RPL31: variants seen among roughly 807,000 people sequenced by gnomAD.
RPL31 encodes the protein ribosomal protein L31, also known as large ribosomal subunit protein eL31.
For synonymous variants in RPL31, 51 were observed against 55.0 expected, an observed-to-expected ratio of 0.93 and a Z score of 0.32; for missense variants, 95 against 164.0, an observed-to-expected ratio of 0.58 and a Z score of 2.30.
intron 4 of RPL31, chr2:101,017,723 C>T (rs771681666): frequency 3.4e-5 from 32 of 931,386 alleles, no homozygotes; most frequent in Non-Finnish European, 4.6e-5. Flanking sequence ...TGGTACATCA[C>T]TTTATCACAG....
chr2:101,018,515 C>A (rs1324335202), intron 4 of RPL31, among the ~76,000 whole-genome samples: 1 of 152,186 alleles, frequency 6.6e-6, no homozygotes, highest in Non-Finnish European at 1.5e-5. Flanking sequence ...ACTTCTATTC[C>A]TTCACAGAAA....
In RPL31 at chr2:101,006,983, T is replaced by C. The variant is rs1330352948; in HGVS notation, c.*602T>C. On this transcript the variant is annotated 3_prime_UTR_variant, in exon 5 of 5. Transcript: ENST00000264258. ...CAATAACAAAAATTTGTATTAATAGTTCAGTCCTAAAGCAGTGTTGCTGAG... is the reference window on the plus strand; with the variant it reads ...CAATAACAAAAATTTGTATTAATAGCTCAGTCCTAAAGCAGTGTTGCTGAG... 3 of 152,256 alleles carry C rather than the reference T, an allele frequency of 2.0e-5. No homozygotes were observed. Among genetic ancestry groups the C allele is most frequent in the Non-Finnish European group, 2.9e-5 (2 of 68,082 alleles). 9.4% of individuals were successfully genotyped at this position (152,256 alleles called of 1,614,324 possible).
downstream of RPL31, chr2:101,008,041 T>C: frequency 1.2e-6 from 2 of 1,613,970 alleles, no homozygotes; most frequent in Non-Finnish European, 1.7e-6. Context: ...CTGGGAGTCC[T>C]GGGGCGTCTT....
At chr2:101,018,159 T>C (rs990690528) in intron 4 of RPL31, 1 of 471,246 alleles carries the variant, frequency 2.1e-6, no homozygotes, top group African/African-American at 1.9e-5. Context: ...CATACAGATA[T>C]TGCTGTACTA....
intron 2 of RPL31, among the ~76,000 whole-genome samples, chr2:101,003,349 T>C (rs1293153497): frequency 2.1e-4 from 32 of 152,186 alleles, no homozygotes; most frequent in Admixed American, 2.1e-3. Flanking sequence ...AGTCTTGCTC[T>C]GTCTCCAGCC....
chr2:101,002,500 G>A (rs1573832209), intron 1 of RPL31, 185 bp downstream of exon 1: 1 of 610,728 alleles, frequency 1.6e-6, no homozygotes, highest in East Asian at 2.8e-5. Context: ...GCTTAGGGGA[G>A]CCGGAGCGGC....
At chr2:101,006,249 T>C (rs1157230465) in intron 4 of RPL31, 101 bp from the exon 5 acceptor site, 7 of 1,536,982 alleles carry the variant, frequency 4.6e-6, no homozygotes, top group Non-Finnish European at 6.1e-6. Flanking sequence ...TGTAAAAAGG[T>C]TGTGGAAAAT....
intron 4 of RPL31, among the ~76,000 whole-genome samples, chr2:101,013,047 T>C (rs1244192451): frequency 1.3e-5 from 2 of 152,058 alleles, no homozygotes; most frequent in Non-Finnish European, 2.9e-5. Context: ...AAAGTAGAAA[T>C]GTGTATACAA....
intron 4 of RPL31, among the ~76,000 whole-genome samples, chr2:101,018,550 T>C (rs1679824624): frequency 6.6e-6 from 1 of 152,216 alleles, no homozygotes; most frequent in Non-Finnish European, 1.5e-5. Context: ...CTGGAGCAGC[T>C]TCAATTTTAT....
downstream of RPL31, chr2:101,008,336 A>AAACAT (rs1678903787): frequency 8.1e-7 from 1 of 1,236,754 alleles, no homozygotes; most frequent in South Asian, 1.7e-5. Flanking sequence ...TTTTTTTTTT[A>AAACAT]AACATACCTG....
intron 4 of RPL31, among the ~76,000 whole-genome samples, chr2:101,014,185 A>C (rs533404667): frequency 6.6e-5 from 10 of 151,786 alleles, no homozygotes; most frequent in Admixed American, 3.3e-4. Context: ...GCAGTCTTTT[A>C]ATTTCGCAAA....
downstream of RPL31, chr2:101,010,984 T>G: frequency 6.2e-7 from 1 of 1,613,142 alleles, no homozygotes; most frequent in Non-Finnish European, 8.5e-7. Context: ...GGCTAAATCC[T>G]TAATCATCTG....
At chr2:101,011,220 G>A (rs891457587), downstream of RPL31, 23 of 689,180 alleles carry the variant, frequency 3.3e-5, no homozygotes, top group Non-Finnish European at 5.3e-5. Context: ...AAGAGGACCC[G>A]TGAAACAGCA....
At position 101,006,051 on chromosome 2, in the gene RPL31, T is replaced by C. The variant is rs1329171825; in HGVS notation, c.326T>C (p.Val109Ala). The C allele has an allele frequency of 6.2e-7, 1 of 1,613,602 alleles. No individual in the cohort carries two copies. The highest frequency in any genetic ancestry group is 8.5e-7 in the Non-Finnish European group (1 of 1,179,834). ...AAGCTATATACTTTGGTTACCTATG[T>C]ACCTGTTACCACTTTCAAAAGTAAG... ...PNKLYTLVTYVPVTTFKNLQT... is the reference protein window; with the variant it reads ...PNKLYTLVTYAPVTTFKNLQT... The change falls in exon 4 of 5, where the codon GTA becomes GCA. Residue 109 changes from valine to alanine, a missense_variant. Physicochemically the swap from Val to Ala is moderately conservative, Grantham distance 64 (BLOSUM62 0). Transcript: ENST00000264258.
rs747048034 is a variant in RPL31 at position 101,006,090 on chromosome 2, A to C, written c.346+19A>C. ...TTCAAAAGTAAGTTCTCCATCCCAT[A>C]AAGCCATTTAAATTCATTAGAAAAA... On this transcript the variant is annotated intron_variant, in intron 4 of 4. Transcript: ENST00000264258. The C allele has an allele frequency of 6.2e-7, 1 of 1,608,668 alleles. No individual in the cohort carries two copies. The highest frequency in any genetic ancestry group is 8.5e-7 in the Non-Finnish European group (1 of 1,178,020).
Position 101,012,794 on chromosome 2 carries a change from TAAATC to T in RPL31, c.347-6200_347-6196del, listed in dbSNP as rs530255656. On this transcript the variant is annotated intron_variant, in intron 4 of 4. Coordinates refer to the RPL31 transcript ENST00000409028. ...TATTCGTAAACCATTTCACTGAAAA[TAAATC>T]AAAGGCAAAATTCAGCTGTGATTCA... Among the ~76,000 whole-genome samples the T allele has an allele frequency of 4.2e-3, 641 of 152,274 alleles. 1 individual carries two copies. The highest frequency in any genetic ancestry group is 7.2e-3 in the Non-Finnish European group (492 of 68,012).
chr2:101,010,085 C>T (rs961697126), downstream of RPL31, among the ~76,000 whole-genome samples: 1 of 152,080 alleles, frequency 6.6e-6, no homozygotes, highest in African/African-American at 2.4e-5. Context: ...CTCGGCCTCC[C>T]AAAGTGCTGG....
intron 1 of RPL31, 37 bp from the exon 2 acceptor site, chr2:101,002,665 A>G: frequency 6.5e-7 from 1 of 1,543,220 alleles, no homozygotes; most frequent in Middle Eastern, 2.0e-4. Context: ...TGAGCTTGTT[A>G]AACTCTGCTC....
At chr2:101,009,415 A>C (rs1000833193), downstream of RPL31, among the ~76,000 whole-genome samples, 35 of 85,538 alleles carry the variant, frequency 4.1e-4, no homozygotes, top group Non-Finnish European at 8.9e-4. Flanking sequence ...CCAAAAAAAA[A>C]AAAAAAAAGA....
Sources: allele counts gnomAD v4.1 joint callset (sites outside exome capture counted in the v4.1 genomes callset), GRCh38; gene constraint gnomAD v4.1.1; transcripts MANE v1.5; gene names NCBI Gene and HGNC (gene_info 2026-07-23, HGNC 2026-07-21).